KRTAP5-2: variants seen among roughly 807,000 people sequenced by gnomAD.
The protein encoded by KRTAP5-2 is keratin-associated protein 5-2.
For missense variants in KRTAP5-2, 188 were observed against 212.8 expected, an observed-to-expected ratio of 0.88 and a Z score of 0.73; for synonymous variants, 79 against 82.7, an observed-to-expected ratio of 0.96 and a Z score of 0.24.
Position 1,598,193 on chromosome 11 carries a change from T to TGGAGCCACAGCCCCCACAGCC in KRTAP5-2, c.37_57dup (p.Gly13_Ser19dup). ...CAGCCAGAGCCACAACCCCCACAGC[T>TGGAGCCACAGCCCCCACAGCC]GGAGCCACAGCCCCCACAGCCGGAG... On this transcript the variant is annotated inframe_insertion, in exon 1 of 1. Transcript: ENST00000412090. The TGGAGCCACAGCCCCCACAGCC allele has an allele frequency of 8.0e-6, 11 of 1,376,604 alleles. No individual in the cohort carries two copies. The highest frequency in any genetic ancestry group is 2.5e-4 in the Middle Eastern group (1 of 3,996). The allele number at this position is 1,376,604 out of a possible 1,614,324, so 85.3% of individuals were successfully genotyped here.
chr11:1,597,540 G>C lies in KRTAP5-2; in HGVS notation c.*177C>G. 9.6e-7 allele frequency: 1 copy of C among 1,037,454 alleles called. No homozygotes were observed. The highest frequency in any genetic ancestry group is 1.4e-6 in the Non-Finnish European group (1 of 711,802). 64.3% of individuals were successfully genotyped at this position (1,037,454 alleles called of 1,614,324 possible). On this transcript the variant is annotated 3_prime_UTR_variant, in exon 1 of 1. Transcript: ENST00000412090. Reference sequence around the variant, plus strand: ...AGGGAAACACACGTTTCTGGAGTGAGGAGGCTGAAGGCAGGGCCCAGAGGA... The same window carrying C: ...AGGGAAACACACGTTTCTGGAGTGACGAGGCTGAAGGCAGGGCCCAGAGGA...
rs527385751 is a variant in KRTAP5-2 at position 1,597,437 on chromosome 11, A to G, written c.*280T>C. 31 of 544,840 alleles carry G rather than the reference A, an allele frequency of 5.7e-5. No individual in the cohort carries two copies. In the South Asian group the frequency reaches 6.6e-4, roughly 12 times the overall value. The allele number at this position is 544,840 out of a possible 1,614,324, so 33.8% of individuals were successfully genotyped here. A position where few individuals can be genotyped will look rare whatever the true frequency, so the allele number is the denominator to read the frequency against. On this transcript the variant is annotated 3_prime_UTR_variant, in exon 1 of 1. Coordinates refer to ENST00000412090, the MANE Select transcript of KRTAP5-2 (RefSeq NM_001004325.2). ...CAGTCAGCCCAGGGAGAAGAAGAAG[A>G]TGGTCCACACCCAAGTGCAGGGAAC...
At position 1,597,509 on chromosome 11, in the gene KRTAP5-2, C is replaced by A; in HGVS notation, c.*208G>T. The A allele has an allele frequency of 1.2e-6, 1 of 824,618 alleles. No individual in the cohort carries two copies. Among genetic ancestry groups the A allele is most frequent in the African/African-American group, 1.7e-5 (1 of 57,868 alleles). The allele number at this position is 824,618 out of a possible 1,614,324, so 51.1% of individuals were successfully genotyped here. ...CCTGCGTCCAGGCGAGGACACCTCC[C>A]GCATCAGGGAAACACACGTTTCTGG... On this transcript the variant is annotated 3_prime_UTR_variant, in exon 1 of 1. Transcript: ENST00000412090.
rs1307357052 is a variant in KRTAP5-2, at chr11:1,597,829, C to G, written c.422G>C (p.Cys141Ser). 6.2e-7 allele frequency: 1 copy of G among 1,613,778 alleles called. No homozygotes were observed. The highest frequency in any genetic ancestry group is 1.7e-5 in the Admixed American group (1 of 59,998). The change falls in exon 1 of 1, where the codon TGC (cysteine) becomes TCC (serine). Residue 141 changes from cysteine to serine, a missense_variant. Physicochemically the swap from Cys to Ser is moderately radical, Grantham distance 112. Transcript: ENST00000412090. ...GACACAGCAGCTGGACTGGCAGCAGCAGGGCTTGCAGCAGCTGGACTGGCA... is the reference window on the plus strand; with the variant it reads ...GACACAGCAGCTGGACTGGCAGCAGGAGGGCTTGCAGCAGCTGGACTGGCA... The part of the protein sequence containing the change: ...SCCQSSCCKP[C>S]CCQSSCCVPV...
At position 1,597,266 on chromosome 11, in the gene KRTAP5-2, A is replaced by G. The variant is rs958354705; in HGVS notation, c.*451T>C. On this transcript the variant is annotated 3_prime_UTR_variant, in exon 1 of 1. Coordinates refer to ENST00000412090, the MANE Select transcript of KRTAP5-2 (RefSeq NM_001004325.2). Reference sequence around the variant, plus strand: ...TAAACAGATGGAGACAACAGGAAGGAAAGAGACCTTCCTGGTCACACTTGG... The same window carrying G: ...TAAACAGATGGAGACAACAGGAAGGGAAGAGACCTTCCTGGTCACACTTGG... 2.1e-5 allele frequency: 4 copies of G among 190,594 alleles called. No individual in the cohort carries two copies. Among genetic ancestry groups the G allele is most frequent in the African/African-American group, 7.0e-5 (3 of 42,786 alleles). The allele number at this position is 190,594 out of a possible 1,614,324, so 11.8% of individuals were successfully genotyped here.
Position 1,597,655 on chromosome 11 carries a change from C to T in KRTAP5-2, c.*62G>A. Reference sequence around the variant, plus strand: ...GGAGGATGTGTGGGACGAACTGACTCAGGGAACCATAAGAAATGCTTTCAC... The same window carrying T: ...GGAGGATGTGTGGGACGAACTGACTTAGGGAACCATAAGAAATGCTTTCAC... On this transcript the variant is annotated 3_prime_UTR_variant, in exon 1 of 1. Transcript: ENST00000412090. 6.2e-7 allele frequency: 1 copy of T among 1,606,392 alleles called. No individual in the cohort carries two copies. The highest frequency in any genetic ancestry group is 2.2e-5 in the East Asian group (1 of 44,810).
chr11:1,598,056 G>A lies in KRTAP5-2; in HGVS notation c.195C>T (p.Pro65=), dbSNP rs938514531. The A allele has an allele frequency of 9.9e-6, 16 of 1,611,614 alleles. No individual in the cohort carries two copies. The highest frequency in any genetic ancestry group is 1.0e-5 in the Non-Finnish European group (12 of 1,179,832). ...RCYVPVCCCK[P]VCSWVPACSC... is the part of the protein sequence containing the mutation. ...AACAGGCTGGCACCCAGGAGCACAC[G>A]GGCTTGCAGCAGCAGACAGGCACAT... The change falls in exon 1 of 1, where the codon CCC becomes CCT. Residue 65 remains proline, a synonymous_variant. Coordinates refer to ENST00000412090, the MANE Select transcript of KRTAP5-2 (RefSeq NM_001004325.2).
In KRTAP5-2 at chr11:1,597,842, A is replaced by G. The variant is rs138473551; in HGVS notation, c.409T>C (p.Cys137Arg). 2,709 of 1,613,978 alleles carry G rather than the reference A, an allele frequency of 1.7e-3. 34 individuals are homozygous for G. The African/African-American group carries it at 0.032, about 19-fold the overall frequency. Residue 137 changes from cysteine (C) to arginine (R), a missense_variant, in exon 1 of 1, where the codon TGC (cysteine) becomes CGC (arginine). Transcript: ENST00000412090. The stretch of plus-strand genomic sequence containing the variant: ...GACTGGCAGCAGCAGGGCTTGCAGC[A>G]GCTGGACTGGCAGCAGGATGATCCA... ...GCGSSCCQSSCCKPCCCQSSC... is the reference protein window; with the variant it reads ...GCGSSCCQSSRCKPCCCQSSC...
Position 1,597,471 on chromosome 11 carries a change from A to T in KRTAP5-2, c.*246T>A. 1 of 632,592 alleles carries T rather than the reference A, an allele frequency of 1.6e-6. No individual in the cohort carries two copies. Among genetic ancestry groups the T allele is most frequent in the Non-Finnish European group, 2.8e-6 (1 of 359,984 alleles). The allele number at this position is 632,592 out of a possible 1,614,324, so 39.2% of individuals were successfully genotyped here. A position where few individuals can be genotyped will look rare whatever the true frequency, so the allele number is the denominator to read the frequency against. On this transcript the variant is annotated 3_prime_UTR_variant, in exon 1 of 1. Transcript: ENST00000412090. ...ACCCAAGTGCAGGGAACATCGTGGC[A>T]GTCGGCTGGGTGCCTGCGTCCAGGC...
At position 1,597,507 on chromosome 11, in the gene KRTAP5-2, C is replaced by T; in HGVS notation, c.*210G>A. On this transcript the variant is annotated 3_prime_UTR_variant, in exon 1 of 1. Coordinates refer to ENST00000412090, the MANE Select transcript of KRTAP5-2 (RefSeq NM_001004325.2). ...TGCCTGCGTCCAGGCGAGGACACCT[C>T]CCGCATCAGGGAAACACACGTTTCT... The T allele has an allele frequency of 2.4e-6, 2 of 816,648 alleles. No individual in the cohort carries two copies. Among genetic ancestry groups the T allele is most frequent in the Non-Finnish European group, 3.8e-6 (2 of 520,302 alleles). The allele number at this position is 816,648 out of a possible 1,614,324, so 50.6% of individuals were successfully genotyped here.
In KRTAP5-2 at chr11:1,597,838, C is replaced by G; in HGVS notation, c.413G>C (p.Cys138Ser). 6.2e-7 allele frequency: 1 copy of G among 1,613,990 alleles called. No homozygotes were observed. Among genetic ancestry groups the G allele is most frequent in the Non-Finnish European group, 8.5e-7 (1 of 1,179,976 alleles). The change falls in exon 1 of 1, where the codon TGC becomes TCC. Residue 138 changes from cysteine to serine, a missense_variant. Coordinates refer to ENST00000412090, the MANE Select transcript of KRTAP5-2 (RefSeq NM_001004325.2). ...GCTGGACTGGCAGCAGCAGGGCTTG[C>G]AGCAGCTGGACTGGCAGCAGGATGA... ...CGSSCCQSSCCKPCCCQSSCC... is the reference protein window; with the variant it reads ...CGSSCCQSSCSKPCCCQSSCC...
Position 1,597,828 on chromosome 11 carries a change from G to T in KRTAP5-2, c.423C>A (p.Cys141Ter). 6.2e-7 allele frequency: 1 copy of T among 1,613,542 alleles called. No homozygotes were observed. Among genetic ancestry groups the T allele is most frequent in the Non-Finnish European group, 8.5e-7 (1 of 1,179,874 alleles). Residue 141 changes from cysteine (C) to a stop codon, truncating the protein, a stop_gained, in exon 1 of 1, where the codon TGC becomes TGA. Transcript: ENST00000412090. LOFTEE classifies it high-confidence loss of function. The part of the protein sequence containing the change: ...SCCQSSCCKP[C>*]CCQSSCCVPV... ...GGACACAGCAGCTGGACTGGCAGCA[G>T]CAGGGCTTGCAGCAGCTGGACTGGC...
rs541700992 is a variant in KRTAP5-2, at chr11:1,597,755, T to G, written c.496A>C (p.Asn166His). Residue 166 changes from asparagine to histidine, a missense_variant, in exon 1 of 1, where the codon AAC (asparagine) becomes CAC (histidine). Asn to His is a moderately conservative substitution (Grantham distance 68, BLOSUM62 1). Transcript: ENST00000412090. ...TGGCAGCACACAGGGACACAACAGT[T>G]GGACTGGCAGCAACAGGGCTTGCAG... ...SCCKPCCCQSNCCVPVCCQCK... is the reference protein window; with the variant it reads ...SCCKPCCCQSHCCVPVCCQCK... 8 of 1,614,018 alleles carry G rather than the reference T, an allele frequency of 5.0e-6. No homozygotes were observed. The highest frequency in any genetic ancestry group is 1.7e-4 in the Middle Eastern group (1 of 6,056).
chr11:1,597,524 C>CA lies in KRTAP5-2; in HGVS notation c.*192dup. 1.1e-6 allele frequency: 1 copy of CA among 923,558 alleles called. No individual in the cohort carries two copies. 57.2% of individuals were successfully genotyped at this position (923,558 alleles called of 1,614,324 possible). On this transcript the variant is annotated 3_prime_UTR_variant, in exon 1 of 1. Transcript: ENST00000412090. ...GGACACCTCCCGCATCAGGGAAACA[C>CA]ACGTTTCTGGAGTGAGGAGGCTGAA...
chr11:1,597,594 A>G lies in KRTAP5-2; in HGVS notation c.*123T>C, dbSNP rs149054313. 45 of 1,466,858 alleles carry G rather than the reference A, an allele frequency of 3.1e-5. No individual in the cohort carries two copies. The East Asian group carries it at 1.0e-3, about 33-fold the overall frequency. The allele number at this position is 1,466,858 out of a possible 1,614,324, so 90.9% of individuals were successfully genotyped here. A position where few individuals can be genotyped will look rare whatever the true frequency, so the allele number is the denominator to read the frequency against. On this transcript the variant is annotated 3_prime_UTR_variant, in exon 1 of 1. Transcript: ENST00000412090. ...CTGAGCCATGGAAGGAGGTGTGTGC[A>G]TGGATGGTGAGCTAGAGCAGGTGCA...
Position 1,597,748 on chromosome 11 carries a change from C to A in KRTAP5-2, c.503G>T (p.Cys168Phe), listed in dbSNP as rs751056617. The change falls in exon 1 of 1, where the codon TGT (cysteine) becomes TTT (phenylalanine). Residue 168 changes from cysteine to phenylalanine, a missense_variant. By Grantham distance (205) the Cys-to-Phe change is radical. Coordinates refer to ENST00000412090, the MANE Select transcript of KRTAP5-2 (RefSeq NM_001004325.2). The part of the protein sequence containing the change: ...CKPCCCQSNC[C>F]VPVCCQCKI ...CTTACACTGGCAGCACACAGGGACA[C>A]AACAGTTGGACTGGCAGCAACAGGG... 1 of 1,614,152 alleles carries A rather than the reference C, an allele frequency of 6.2e-7. No homozygotes were observed. Among genetic ancestry groups the A allele is most frequent in the South Asian group, 1.1e-5 (1 of 91,082 alleles).
rs1202055158 is a variant in KRTAP5-2 at position 1,597,733 on chromosome 11, C to T, written c.518G>A (p.Cys173Tyr). ...CQSNCCVPVC[C>Y]QCKI ...TCCAGAGCCTCAGATCTTACACTGG[C>T]AGCACACAGGGACACAACAGTTGGA... is the stretch of plus-strand genomic sequence containing the variant. The change falls in exon 1 of 1, where the codon TGC becomes TAC. Residue 173 changes from cysteine to tyrosine, a missense_variant. Cys to Tyr is a radical substitution (Grantham distance 194, BLOSUM62 -2). Coordinates refer to ENST00000412090, the MANE Select transcript of KRTAP5-2 (RefSeq NM_001004325.2). 1.5e-5 allele frequency: 25 copies of T among 1,614,078 alleles called. No homozygotes were observed. The highest frequency in any genetic ancestry group is 2.0e-5 in the Non-Finnish European group (24 of 1,180,048).
Position 1,598,127 on chromosome 11 carries a change from A to G in KRTAP5-2, c.124T>C (p.Cys42Arg), listed in dbSNP as rs1344219708. Residue 42 changes from cysteine to arginine, a missense_variant, in exon 1 of 1, where the codon TGT (cysteine) becomes CGT (arginine). Transcript: ENST00000412090. ...GSGRGGCGSG[C>R]GGCSSSCGGC... The stretch of plus-strand genomic sequence containing the variant: ...CCACAGCTGGAGCTGCAGCCCCCAC[A>G]GCCAGAGCCACAGCCCCCACGGCCG... The G allele has an allele frequency of 6.3e-7, 1 of 1,578,616 alleles. No homozygotes were observed. Among genetic ancestry groups the G allele is most frequent in the African/African-American group, 1.5e-5 (1 of 67,702 alleles).
Position 1,598,063 on chromosome 11 carries a change from C to T in KRTAP5-2, c.188G>A (p.Cys63Tyr). The T allele has an allele frequency of 6.2e-7, 1 of 1,612,622 alleles. No individual in the cohort carries two copies. Among genetic ancestry groups the T allele is most frequent in the Non-Finnish European group, 8.5e-7 (1 of 1,179,942 alleles). ...GSRCYVPVCCCKPVCSWVPAC... is the reference protein window; with the variant it reads ...GSRCYVPVCCYKPVCSWVPAC... ...TGGCACCCAGGAGCACACGGGCTTG[C>T]AGCAGCAGACAGGCACATAACATCT... The change falls in exon 1 of 1, where the codon TGC becomes TAC. Residue 63 changes from cysteine to tyrosine, a missense_variant. Physicochemically the swap from Cys to Tyr is radical, Grantham distance 194. Coordinates refer to ENST00000412090, the MANE Select transcript of KRTAP5-2 (RefSeq NM_001004325.2).
Sources: gnomAD v4.1 joint callset for allele counts on GRCh38, gnomAD v4.1.1 for gene constraint, MANE v1.5 for transcripts, NCBI Gene and HGNC (gene_info 2026-07-23, HGNC 2026-07-21) for gene names.